Variants in ATP8B1 observed in about 807,000 individuals in gnomAD.
ATP8B1 encodes the protein ATPase phospholipid transporting 8B1.
A neutral mutation model predicts 149.9 loss-of-function variants in ATP8B1; 80 were observed. The observed-to-expected ratio is 0.53, with a 90% CI of 0.45 to 0.64. ATP8B1 has a LOEUF of 0.64. Among genes scored for constraint, ATP8B1 ranks in the 30% least tolerant of loss-of-function variants. The pLI, the probability that ATP8B1 is intolerant of heterozygous loss-of-function variation, is 0.00. For synonymous variants in ATP8B1, 536 were observed against 562.8 expected (o/e 0.95, Z 0.67); for missense variants, 1,247 against 1,552.6 (o/e 0.80, Z 3.31).
intron 2 of ATP8B1, among the ~76,000 whole-genome samples, chr18:57,725,312 TAA>T (rs1309491705): frequency 6.6e-6 from 1 of 151,522 alleles, no homozygotes; most frequent in African/African-American, 2.4e-5. Context: ...AGCTAAGAAT[TAA>T]GTTTACCAAA....
At chr18:57,757,348 A>C in intron 1 of ATP8B1, among the ~76,000 whole-genome samples, 1 of 152,164 alleles carries the variant, frequency 6.6e-6, no homozygotes, top group East Asian at 1.9e-4. Flanking sequence ...CTCCTGCCCC[A>C]GCCTGTAATC....
At chr18:57,746,321 G>A (rs534628033) in intron 1 of ATP8B1, among the ~76,000 whole-genome samples, 1 of 152,070 alleles carries the variant, frequency 6.6e-6, no homozygotes, top group African/African-American at 2.4e-5. Flanking sequence ...GGCTTGAAGA[G>A]GTTAGGTGGC....
At chr18:57,746,768 T>A (rs2079967804) in intron 1 of ATP8B1, among the ~76,000 whole-genome samples, 1 of 151,984 alleles carries the variant, frequency 6.6e-6, no homozygotes. Context: ...GAGCCACCAC[T>A]GTGCCCAGCC....
intron 1 of ATP8B1, among the ~76,000 whole-genome samples, chr18:57,788,403 CAATT>C (rs1287054809): frequency 1.3e-5 from 2 of 151,824 alleles, no homozygotes; most frequent in African/African-American, 4.8e-5. Context: ...AAAATACAAA[CAATT>C]AGTCGGGCGT....
Position 57,655,184 on chromosome 18 carries a change from A to G in ATP8B1, c.2931+10T>C. 3 of 1,589,480 alleles carry G rather than the reference A, an allele frequency of 1.9e-6. No homozygotes were observed. Among genetic ancestry groups the G allele is most frequent in the Non-Finnish European group, 2.6e-6 (3 of 1,157,570 alleles). ...CTTAGTAAATAACAATAATAACAACATTACATTACCTGCGCAGAGTAGCCA... is the reference window on the plus strand; with the variant it reads ...CTTAGTAAATAACAATAATAACAACGTTACATTACCTGCGCAGAGTAGCCA... On this transcript the variant is annotated intron_variant, in intron 23 of 27. Coordinates refer to ENST00000648908, the MANE Select transcript of ATP8B1 (RefSeq NM_001374385.1).
intron 2 of ATP8B1, 139 bp downstream of exon 2, chr18:57,731,488 G>C (rs1472845192): frequency 1.0e-6 from 1 of 991,888 alleles, no homozygotes; most frequent in Admixed American, 2.0e-5. Context: ...CCACCATTCT[G>C]TCAGTCGCAT....
intron 2 of ATP8B1, among the ~76,000 whole-genome samples, chr18:57,720,852 T>C (rs1227076757): frequency 6.6e-6 from 1 of 151,758 alleles, no homozygotes; most frequent in Non-Finnish European, 1.5e-5. Flanking sequence ...GAGAGAAAGG[T>C]TGGGTTACCC....
At chr18:57,731,069 A>G (rs972980806) in intron 2 of ATP8B1, among the ~76,000 whole-genome samples, 2 of 152,074 alleles carry the variant, frequency 1.3e-5, no homozygotes, top group African/African-American at 4.8e-5. Context: ...TGAGGTGGGC[A>G]GATCCCTTGA....
intron 21 of ATP8B1, among the ~76,000 whole-genome samples, chr18:57,662,272 T>C (rs1910505744): frequency 6.6e-6 from 1 of 152,210 alleles, no homozygotes; most frequent in Non-Finnish European, 1.5e-5. Context: ...AACCCATTAA[T>C]TAGTAAACCA....
At chr18:57,691,515 C>T (rs188014031) in intron 12 of ATP8B1, among the ~76,000 whole-genome samples, 31 of 152,266 alleles carry the variant, frequency 2.0e-4, no homozygotes, top group African/African-American at 4.3e-4. Flanking sequence ...CTTTGGAACC[C>T]GGTGAGAAGG....
intron 4 of ATP8B1, among the ~76,000 whole-genome samples, chr18:57,702,755 G>C (rs908597405): frequency 2.0e-5 from 3 of 151,952 alleles, no homozygotes; most frequent in Non-Finnish European, 2.9e-5. Context: ...TACTCAGGAG[G>C]CTGAGGCAGG....
intron 1 of ATP8B1, among the ~76,000 whole-genome samples, chr18:57,763,282 C>T (rs1011046803): frequency 6.6e-6 from 1 of 151,978 alleles, no homozygotes; most frequent in South Asian, 2.1e-4. Flanking sequence ...ATCCCAGCTA[C>T]TAGGGAGGCT....
At chr18:57,756,845 T>C (rs190179518) in intron 1 of ATP8B1, among the ~76,000 whole-genome samples, 59 of 152,364 alleles carry the variant, frequency 3.9e-4, no homozygotes, top group Admixed American at 3.6e-3. Flanking sequence ...TTTGATTTTA[T>C]ACTTTGGTCA....
At chr18:57,769,975 G>A (rs2080250503) in intron 1 of ATP8B1, among the ~76,000 whole-genome samples, 1 of 152,026 alleles carries the variant, frequency 6.6e-6, no homozygotes, top group Admixed American at 6.6e-5. Flanking sequence ...ACTTGTCCAT[G>A]GTCTCACAAG....
At chr18:57,684,870 A>AC (rs1912154504) in intron 14 of ATP8B1, among the ~76,000 whole-genome samples, 1 of 152,120 alleles carries the variant, frequency 6.6e-6, no homozygotes, top group Non-Finnish European at 1.5e-5. Context: ...CACACGGGGG[A>AC]CACCACGTGA....
intron 1 of ATP8B1, among the ~76,000 whole-genome samples, chr18:57,766,836 G>A (rs2080215199): frequency 6.6e-6 from 1 of 152,168 alleles, no homozygotes; most frequent in Non-Finnish European, 1.5e-5. Context: ...GCATCCACCT[G>A]TCCTAGGAGA....
rs774872355 is a variant in ATP8B1 at position 57,674,817 on chromosome 18, C to A, written c.1819+17G>T. The A allele has an allele frequency of 2.5e-6, 4 of 1,613,312 alleles. No homozygotes were observed. The highest frequency in any genetic ancestry group is 1.1e-5 in the South Asian group (1 of 90,916). On this transcript the variant is annotated intron_variant, in intron 16 of 27. Transcript: ENST00000648908. ...TCTAAATGAGCGATTCATAGACAGA[C>A]TCTGAGGGGGACTTACCAATGATAG...
rs112357299 is a variant in ATP8B1, at chr18:57,762,142, T to TATATATATA, written c.-25-30311_-25-30310insTATATATAT. Among the ~76,000 whole-genome samples the TATATATATA allele has an allele frequency of 5.1e-5, 4 of 78,320 alleles. No homozygotes were observed. In the Admixed American group the frequency reaches 5.3e-4, roughly 10 times the overall value. 51.4% of individuals were successfully genotyped at this position (78,320 alleles called of 152,430 possible). ...ACACACACACATATATATATATATA[T>TATATATATA]TTTTTTTTTCTTTTGAGACAGGGTC... On this transcript the variant is annotated intron_variant, in intron 1 of 27. Coordinates refer to ENST00000648908, the MANE Select transcript of ATP8B1 (RefSeq NM_001374385.1).
chr18:57,747,453 CA>C (rs35857076), intron 1 of ATP8B1, among the ~76,000 whole-genome samples: 108,444 of 136,070 alleles, frequency 0.8, 43,132 homozygotes, highest in African/African-American at 0.86. Context: ...AACTCTATCT[CA>C]AAAAAAAAAA....
Sources: allele counts gnomAD v4.1 joint callset (sites outside exome capture counted in the v4.1 genomes callset), GRCh38; gene constraint gnomAD v4.1.1; transcripts MANE v1.5; gene names NCBI Gene and HGNC (gene_info 2026-07-23, HGNC 2026-07-21).